Variants in PPIL2 observed in about 807,000 individuals in gnomAD.
PPIL2 encodes the protein RING-type E3 ubiquitin-protein ligase PPIL2.
PPIL2 carries 50 observed loss-of-function variants against 75.2 expected under a neutral mutation model. The observed-to-expected ratio is 0.66, with a 90% CI of 0.53 to 0.84. The LOEUF (loss-of-function observed/expected upper bound fraction) is 0.84. Among genes scored for constraint, PPIL2 ranks in the 40% least tolerant of loss-of-function variants. The pLI, the probability that PPIL2 is intolerant of heterozygous loss-of-function variation, is 0.00. For missense variants in PPIL2, 590 were observed against 685.0 expected (o/e 0.86, Z 1.55); for synonymous variants, 245 against 258.8 (o/e 0.95, Z 0.51).
At chr22:21,671,765 A>AT (rs2066642026) in intron 4 of PPIL2, among the ~76,000 whole-genome samples, 1 of 151,892 alleles carries the variant, frequency 6.6e-6, no homozygotes, top group South Asian at 2.1e-4. Context: ...ATGTATCAAC[A>AT]TTTATGACGG....
chr22:21,673,680 A>T (rs2066722948), intron 5 of PPIL2: 1 of 152,518 alleles, frequency 6.6e-6, no homozygotes, highest in Non-Finnish European at 1.5e-5. Flanking sequence ...ACACGTCTTT[A>T]TCCTGTGCCT....
chr22:21,666,049 G>C lies in PPIL2; in HGVS notation c.-51G>C, dbSNP rs749694110. The C allele has an allele frequency of 9.4e-6, 15 of 1,603,796 alleles. No homozygotes were observed. Among genetic ancestry groups the C allele is most frequent in the South Asian group, 8.9e-5 (8 of 90,138 alleles). On this transcript the variant is annotated 5_prime_UTR_variant, in exon 1 of 20. Coordinates refer to ENST00000398831, the MANE Select transcript of PPIL2 (RefSeq NM_014337.4). ...ACTCGGCTGCGGCTCCATGGTCTGA[G>C]TTGTCAGCCGTTGTTTTTTCGTGCT...
intron 9 of PPIL2, among the ~76,000 whole-genome samples, chr22:21,683,665 G>A (rs1056846700): frequency 3.9e-5 from 6 of 152,198 alleles, no homozygotes; most frequent in African/African-American, 1.2e-4. Context: ...TTGTTTGAAC[G>A]GGTTTTAGGT....
At chr22:21,689,072 G>C (rs2067508136) in intron 15 of PPIL2, among the ~76,000 whole-genome samples, 1 of 152,266 alleles carries the variant, frequency 6.6e-6, no homozygotes, top group Non-Finnish European at 1.5e-5. Flanking sequence ...GAGACCAGAA[G>C]TCGGGAATTA....
At chr22:21,669,150 GT>G (rs1029565504) in intron 1 of PPIL2, among the ~76,000 whole-genome samples, 1 of 150,844 alleles carries the variant, frequency 6.6e-6, no homozygotes. Context: ...TGCCCGGCCG[GT>G]TTTTTTTGTT....
chr22:21,666,018 C>T lies in PPIL2; in HGVS notation c.-82C>T, dbSNP rs2066358195. The T allele has an allele frequency of 6.6e-6, 10 of 1,522,220 alleles. No homozygotes were observed. The highest frequency in any genetic ancestry group is 8.0e-6 in the Non-Finnish European group (9 of 1,119,268). 94.3% of individuals were successfully genotyped at this position (1,522,220 alleles called of 1,614,324 possible). On this transcript the variant is annotated 5_prime_UTR_variant, in exon 1 of 20. Coordinates refer to ENST00000398831, the MANE Select transcript of PPIL2 (RefSeq NM_014337.4). ...GCGCGCCGCGGAACCCGGAAGTGGT[C>T]ACGGAACTCGGCTGCGGCTCCATGG...
intron 1 of PPIL2, chr22:21,669,303 A>G (rs1215700816): frequency 1.4e-5 from 6 of 426,912 alleles, no homozygotes; most frequent in African/African-American, 2.0e-5. Context: ...GTGAGCTGTC[A>G]CACCTGGCTA....
In PPIL2 at chr22:21,696,385, C is replaced by T; in HGVS notation, c.*895C>T. On this transcript the variant is annotated 3_prime_UTR_variant, in exon 20 of 20. Coordinates refer to ENST00000398831, the MANE Select transcript of PPIL2 (RefSeq NM_014337.4). ...ACAAGTGGATGTCCCTCTCCCCGCC[C>T]TCCTGCTGAAGTGGCCTTGCTGCTC... is the stretch of plus-strand genomic sequence containing the variant. 8.7e-7 allele frequency: 1 copy of T among 1,154,122 alleles called. No homozygotes were observed. Among genetic ancestry groups the T allele is most frequent in the African/African-American group, 1.6e-5 (1 of 61,968 alleles). 71.5% of individuals were successfully genotyped at this position (1,154,122 alleles called of 1,614,324 possible).
chr22:21,681,172 C>A, intron 6 of PPIL2, 127 bp from the exon 7 acceptor site: 1 of 730,806 alleles, frequency 1.4e-6, no homozygotes, highest in Non-Finnish European at 2.4e-6. Context: ...TGGCAGCTGA[C>A]ATGGGGTTCC....
At chr22:21,688,192 C>T (rs2067459823) in intron 14 of PPIL2, 86 bp downstream of exon 14, 8 of 1,532,466 alleles carry the variant, frequency 5.2e-6, no homozygotes, top group Non-Finnish European at 7.2e-6. Flanking sequence ...TTGTGCACAG[C>T]TCAGACATGG....
At chr22:21,675,176 C>T in intron 6 of PPIL2, 61 bp downstream of exon 6, 1 of 1,419,674 alleles carries the variant, frequency 7.0e-7, no homozygotes, top group Non-Finnish European at 9.9e-7. Context: ...GCCCAGCTCT[C>T]ACCAGTTTTC....
chr22:21,668,157 T>C (rs1247707787), intron 1 of PPIL2, among the ~76,000 whole-genome samples: 1 of 110,144 alleles, frequency 9.1e-6, no homozygotes. Flanking sequence ...AAACTAAAAA[T>C]AAAACCCTAA....
chr22:21,686,805 G>C (rs535746333), intron 11 of PPIL2, 87 bp from the exon 12 acceptor site: 2 of 1,326,860 alleles, frequency 1.5e-6, no homozygotes, highest in Non-Finnish European at 2.2e-6. Flanking sequence ...CCTAGTCCCC[G>C]CCTGTGTGTC....
At chr22:21,670,912 C>T in intron 3 of PPIL2, 85 bp from the exon 4 acceptor site, 3 of 1,319,952 alleles carry the variant, frequency 2.3e-6, no homozygotes, top group Non-Finnish European at 3.3e-6. Flanking sequence ...GACAGCATTT[C>T]AGGAGGTCAC....
chr22:21,668,411 G>C (rs2066478131), intron 1 of PPIL2, among the ~76,000 whole-genome samples: 1 of 151,578 alleles, frequency 6.6e-6, no homozygotes, highest in Non-Finnish European at 1.5e-5. Context: ...TGGATCACCA[G>C]GTCAGGAGAT....
At chr22:21,693,899 G>T (rs1054010576) in intron 16 of PPIL2, 27 bp downstream of exon 16, 9 of 1,525,078 alleles carry the variant, frequency 5.9e-6, no homozygotes, top group Admixed American at 1.7e-5. Flanking sequence ...TGTGAAGCCT[G>T]GGGGGTCAGT....
At chr22:21,671,119 A>C in intron 4 of PPIL2, 60 bp downstream of exon 4, 1 of 1,522,236 alleles carries the variant, frequency 6.6e-7, no homozygotes, top group South Asian at 1.1e-5. Context: ...CCATTAAGGA[A>C]GGGGACCCTT....
Position 21,682,597 on chromosome 22 carries a change from C to CTCCTCAGTGTAGCTCT in PPIL2, c.477+72_477+73insCCTCAGTGTAGCTCTT. 5.0e-6 allele frequency: 4 copies of CTCCTCAGTGTAGCTCT among 797,310 alleles called. No individual in the cohort carries two copies. In the African/African-American group the frequency reaches 7.1e-5, roughly 14 times the overall value. The allele number at this position is 797,310 out of a possible 1,614,324, so 49.4% of individuals were successfully genotyped here. A position where few individuals can be genotyped will look rare whatever the true frequency, so the allele number is the denominator to read the frequency against. Reference sequence around the variant, plus strand: ...AGCCAGCCCAGGCCTCTACAGGGCCCTACCCCCACGTCAGGGCCCCTCATA... The same window carrying CTCCTCAGTGTAGCTCT: ...AGCCAGCCCAGGCCTCTACAGGGCCCTCCTCAGTGTAGCTCTTACCCCCACGTCAGGGCCCCTCATA... On this transcript the variant is annotated intron_variant, in intron 8 of 19. Coordinates refer to ENST00000398831, the MANE Select transcript of PPIL2 (RefSeq NM_014337.4).
intron 1 of PPIL2, among the ~76,000 whole-genome samples, chr22:21,667,637 C>T (rs2066445406): frequency 1.3e-5 from 2 of 152,112 alleles, no homozygotes; most frequent in Admixed American, 6.6e-5. Flanking sequence ...AGATCTCATA[C>T]GTTTCTTTTC....
Sources: gnomAD v4.1 joint callset for allele counts (sites outside exome capture counted in the v4.1 genomes callset) on GRCh38, gnomAD v4.1.1 for gene constraint, MANE v1.5 for transcripts, NCBI Gene and HGNC (gene_info 2026-07-23, HGNC 2026-07-21) for gene names.